Variants in HNRNPD observed in about 807,000 individuals in gnomAD.
HNRNPD encodes the protein heterogeneous nuclear ribonucleoprotein D0.
In HNRNPD, 3 loss-of-function variants were observed where a neutral mutation model predicts 47.9. The ratio of observed to expected loss-of-function variants is 0.06; its 90% CI spans 0.03 to 0.16. HNRNPD has a LOEUF of 0.16. Among genes scored for constraint, HNRNPD ranks in the 10% least tolerant of loss-of-function variants. The pLI is 1.00. For missense variants in HNRNPD, 287 were observed against 454.2 expected (o/e 0.63, Z 3.35); for synonymous variants, 171 against 165.1 (o/e 1.04, Z -0.28).
chr4:82,357,544 ATT>A (rs1723768289), intron 4 of HNRNPD, 100 bp from the exon 5 acceptor site: 1 of 1,000,532 alleles, frequency 1.0e-6, no homozygotes, highest in Non-Finnish European at 1.4e-6. Context: ...GAAAACATGT[ATT>A]TGGCACTGAA....
intron 4 of HNRNPD, 96 bp from the exon 5 acceptor site, chr4:82,357,540 A>G (rs1723767689): frequency 9.6e-7 from 1 of 1,046,890 alleles, no homozygotes; most frequent in East Asian, 2.6e-5. Context: ...CAAAGAAAAC[A>G]TGTATTTGGC....
In HNRNPD at chr4:82,353,429, A is replaced by G. The variant is rs1258685007; in HGVS notation, c.*756T>C. 6.6e-6 allele frequency: 1 copy of G among 152,416 alleles called. No individual in the cohort carries two copies. The highest frequency in any genetic ancestry group is 1.5e-5 in the Non-Finnish European group (1 of 68,034). 9.4% of individuals were successfully genotyped at this position (152,416 alleles called of 1,614,324 possible). ...TCTCTGAACTAGCCGCATTTCTATT[A>G]TAATTAACAGATTTTAAGTCCTTTT... On this transcript the variant is annotated 3_prime_UTR_variant, in exon 9 of 9. Transcript: ENST00000313899.
At chr4:82,370,601 T>C (rs1348047092) in intron 2 of HNRNPD, among the ~76,000 whole-genome samples, 1 of 152,178 alleles carries the variant, frequency 6.6e-6, no homozygotes, top group Non-Finnish European at 1.5e-5. Flanking sequence ...AAAGCTGGAC[T>C]GATTTCAGTG....
At chr4:82,358,178 T>A (rs1723807411) in intron 4 of HNRNPD, 1 of 153,142 alleles carries the variant, frequency 6.5e-6, no homozygotes, top group African/African-American at 2.4e-5. Context: ...CATCTCCTGG[T>A]CTCCAGTAAT....
At chr4:82,371,959 TCAAA>T (rs1450339126) in intron 1 of HNRNPD, among the ~76,000 whole-genome samples, 1 of 152,106 alleles carries the variant, frequency 6.6e-6, no homozygotes, top group Non-Finnish European at 1.5e-5. Flanking sequence ...AGCACTATCA[TCAAA>T]CAGCCTGACA....
Position 82,356,799 on chromosome 4 carries a change from C to T in HNRNPD, c.850G>A (p.Gly284Ser). ...GFAGRARGRG[G>S]GPSQNWNQGY... ...GTAAACTTAGGCTCTAGCTTACCACCACCTCTTCCACGAGCTCTTCCTGCA... is the reference window on the plus strand; with the variant it reads ...GTAAACTTAGGCTCTAGCTTACCACTACCTCTTCCACGAGCTCTTCCTGCA... Residue 284 changes from glycine to serine, a missense_variant, in exon 6 of 9, where the codon GGT becomes AGT. By Grantham distance (56) the Gly-to-Ser change is moderately conservative. This residue lies in a region of HNRNPD where 65 missense variants were observed against 107.1 expected (regional missense o/e 0.61). Coordinates refer to ENST00000313899, the MANE Select transcript of HNRNPD (RefSeq NM_031370.3). The T allele has an allele frequency of 6.2e-7, 1 of 1,613,728 alleles. No individual in the cohort carries two copies. Among genetic ancestry groups the T allele is most frequent in the Non-Finnish European group, 8.5e-7 (1 of 1,179,664 alleles).
chr4:82,369,396 G>A (rs1719919705), intron 2 of HNRNPD, among the ~76,000 whole-genome samples: 1 of 152,134 alleles, frequency 6.6e-6, no homozygotes, highest in Non-Finnish European at 1.5e-5. Context: ...TCCACTAGAG[G>A]TGTAACAGGC....
intron 2 of HNRNPD, among the ~76,000 whole-genome samples, chr4:82,368,234 G>A (rs1719861169): frequency 6.6e-6 from 1 of 152,062 alleles, no homozygotes; most frequent in Admixed American, 6.6e-5. Flanking sequence ...CTTCACGTTG[G>A]CATAAATAGT....
chr4:82,364,968 T>C (rs982665718), intron 2 of HNRNPD, among the ~76,000 whole-genome samples: 1 of 152,222 alleles, frequency 6.6e-6, no homozygotes, highest in African/African-American at 2.4e-5. Context: ...GTCTTTATTG[T>C]CAAACACCTT....
At position 82,354,099 on chromosome 4, in the gene HNRNPD, G is replaced by C. The variant is rs1723620119; in HGVS notation, c.*86C>G. On this transcript the variant is annotated 3_prime_UTR_variant, in exon 9 of 9. Transcript: ENST00000313899. ...AATTTAGTTTGAACTGCTATTAGCA[G>C]GTGGCAGGAGCCACCTTCAAATGAA... The C allele has an allele frequency of 6.6e-6, 1 of 152,662 alleles. No individual in the cohort carries two copies. Among genetic ancestry groups the C allele is most frequent in the Non-Finnish European group, 1.5e-5 (1 of 68,050 alleles). 9.5% of individuals were successfully genotyped at this position (152,662 alleles called of 1,614,324 possible).
chr4:82,357,474 T>C (rs1157349126), intron 4 of HNRNPD, 30 bp from the exon 5 acceptor site: 2 of 1,569,724 alleles, frequency 1.3e-6, no homozygotes, highest in African/African-American at 2.7e-5. Context: ...TTTAATATGC[T>C]AACATGCATT....
At position 82,353,648 on chromosome 4, in the gene HNRNPD, T is replaced by C. The variant is rs1006902695; in HGVS notation, c.*537A>G. The C allele has an allele frequency of 3.9e-5, 6 of 152,640 alleles. No homozygotes were observed. The highest frequency in any genetic ancestry group is 2.0e-4 in the Admixed American group (3 of 15,270). 9.5% of individuals were successfully genotyped at this position (152,640 alleles called of 1,614,324 possible). ...AACAAACAAATTGACATTAAGTCAT[T>C]CCCAATTTGGACAGGGAGGACACAT... On this transcript the variant is annotated 3_prime_UTR_variant, in exon 9 of 9. Coordinates refer to ENST00000313899, the MANE Select transcript of HNRNPD (RefSeq NM_031370.3).
intron 2 of HNRNPD, among the ~76,000 whole-genome samples, chr4:82,369,866 G>C (rs1578057222): frequency 6.6e-6 from 1 of 152,192 alleles, no homozygotes; most frequent in East Asian, 1.9e-4. Context: ...GGCTAGGCCG[G>C]GCGCAGTGGC....
intron 2 of HNRNPD, among the ~76,000 whole-genome samples, chr4:82,366,337 G>A (rs913214238): frequency 6.6e-6 from 1 of 152,114 alleles, no homozygotes; most frequent in East Asian, 1.9e-4. Context: ...TCTGCTTCCC[G>A]GGTTCAAGCT....
intron 2 of HNRNPD, among the ~76,000 whole-genome samples, chr4:82,363,912 T>C (rs889605045): frequency 2.0e-5 from 3 of 152,174 alleles, no homozygotes; most frequent in African/African-American, 7.2e-5. Flanking sequence ...TTGTGGGACA[T>C]TTTATCATCT....
chr4:82,373,197 C>A, intron 1 of HNRNPD: 1 of 687,244 alleles, frequency 1.5e-6, no homozygotes, highest in East Asian at 2.9e-5. Context: ...GGAGGGCGGG[C>A]CGAGGAGCAG....
intron 2 of HNRNPD, among the ~76,000 whole-genome samples, chr4:82,361,694 GA>G (rs1310920412): frequency 1.3e-5 from 2 of 152,092 alleles, no homozygotes; most frequent in East Asian, 3.8e-4. Context: ...CAATTACAAA[GA>G]AATAAATTAA....
Position 82,373,613 on chromosome 4 carries a change from C to T in HNRNPD, c.66G>A (p.Ser22=), listed in dbSNP as rs776709104. 6.5e-7 allele frequency: 1 copy of T among 1,528,430 alleles called. No individual in the cohort carries two copies. Among genetic ancestry groups the T allele is most frequent in the South Asian group, 1.2e-5 (1 of 83,478 alleles). The allele number at this position is 1,528,430 out of a possible 1,614,324, so 94.7% of individuals were successfully genotyped here. A position where few individuals can be genotyped will look rare whatever the true frequency, so the allele number is the denominator to read the frequency against. ...AAAATAAVGG[S]AGEQEGAMVA... Reference sequence around the variant, plus strand: ...CCATGGCTCCCTCCTGCTCGCCCGCCGAGCCGCCTACCGCCGCCGTTGCCG... The same window carrying T: ...CCATGGCTCCCTCCTGCTCGCCCGCTGAGCCGCCTACCGCCGCCGTTGCCG... The change falls in exon 1 of 9, where the codon TCG becomes TCA. Residue 22 remains serine (S), a synonymous_variant. Coordinates refer to ENST00000313899, the MANE Select transcript of HNRNPD (RefSeq NM_031370.3).
chr4:82,369,030 C>A (rs980109754), intron 2 of HNRNPD, among the ~76,000 whole-genome samples: 1 of 152,152 alleles, frequency 6.6e-6, no homozygotes, highest in Non-Finnish European at 1.5e-5. Flanking sequence ...TTGCTTCCTA[C>A]CCAATCCAAT....
Sources: allele counts gnomAD v4.1 joint callset (sites outside exome capture counted in the v4.1 genomes callset), GRCh38; gene constraint gnomAD v4.1.1; regional missense constraint gnomAD v4.1.1; transcripts MANE v1.5; gene names NCBI Gene and HGNC (gene_info 2026-07-23, HGNC 2026-07-21).